DSCAM: variants seen among roughly 807,000 people sequenced by gnomAD.
DSCAM encodes the protein cell adhesion molecule DSCAM.
In DSCAM, 47 loss-of-function variants were observed where a neutral mutation model predicts 217.7. The ratio of observed to expected loss-of-function variants is 0.22; its 90% CI spans 0.17 to 0.28. The LOEUF is 0.28. Among genes scored for constraint, DSCAM ranks in the 10% least tolerant of loss-of-function variants. DSCAM has a pLI of 1.00. For missense variants in DSCAM, 2,080 were observed against 2,618.3 expected, an observed-to-expected ratio of 0.79 and a Z score of 4.49; for synonymous variants, 1,056 against 1,015.3, an observed-to-expected ratio of 1.04 and a Z score of -0.76.
intron 3 of DSCAM, among the ~76,000 whole-genome samples, chr21:40,626,859 T>G (rs1446244971): frequency 6.6e-6 from 1 of 152,226 alleles, no homozygotes. Flanking sequence ...GAAATAAAAC[T>G]TCTCAATGGG....
At chr21:40,714,934 T>C (rs1009580859) in intron 1 of DSCAM, among the ~76,000 whole-genome samples, 2 of 152,234 alleles carry the variant, frequency 1.3e-5, no homozygotes, top group African/African-American at 4.8e-5. Flanking sequence ...CCTTCATGAA[T>C]GGATTATTGT....
intron 3 of DSCAM, among the ~76,000 whole-genome samples, chr21:40,574,206 T>C (rs937589338): frequency 6.6e-6 from 1 of 152,124 alleles, no homozygotes; most frequent in Non-Finnish European, 1.5e-5. Context: ...ATATCCCTTA[T>C]GGTCCAATAC....
chr21:40,842,178 C>A (rs1269861846), intron 1 of DSCAM, among the ~76,000 whole-genome samples: 2 of 152,162 alleles, frequency 1.3e-5, no homozygotes, highest in African/African-American at 4.8e-5. Context: ...CAGGTAGCAC[C>A]ACCTCCCTAT....
At chr21:40,830,490 A>G (rs1043551089) in intron 1 of DSCAM, among the ~76,000 whole-genome samples, 1 of 152,162 alleles carries the variant, frequency 6.6e-6, no homozygotes, top group African/African-American at 2.4e-5. Flanking sequence ...ACCACTCTAA[A>G]TAGTATGTGC....
intron 32 of DSCAM, among the ~76,000 whole-genome samples, chr21:40,018,894 T>C (rs2088212730): frequency 1.3e-5 from 2 of 152,210 alleles, no homozygotes; most frequent in South Asian, 4.1e-4. Flanking sequence ...ATTGATCCAG[T>C]TTTTCAGGCA....
chr21:40,708,774 G>A lies in DSCAM; in HGVS notation c.44-3C>T, dbSNP rs778639987. ...GGAGTGTAGGTCTTCACTGAAAACT[G>A]CAAGAAGACAACACAGGGATCCATA... On this transcript the variant is annotated splice_polypyrimidine_tract_variant and splice_region_variant and intron_variant, in intron 1 of 32. Transcript: ENST00000400454. 1.3e-6 allele frequency: 2 copies of A among 1,535,772 alleles called. No individual in the cohort carries two copies.
intron 3 of DSCAM, among the ~76,000 whole-genome samples, chr21:40,678,632 A>G (rs965156400): frequency 5.3e-5 from 8 of 152,174 alleles, no homozygotes; most frequent in African/African-American, 2.4e-5. Flanking sequence ...GACACCCTGA[A>G]GCTTCTCCAC....
intron 3 of DSCAM, among the ~76,000 whole-genome samples, chr21:40,506,244 C>T (rs994300070): frequency 6.6e-6 from 1 of 152,178 alleles, no homozygotes; most frequent in Non-Finnish European, 1.5e-5. Flanking sequence ...AGTAATGACA[C>T]TCATCCCACC....
chr21:40,718,935 G>A (rs1209151559), intron 1 of DSCAM, among the ~76,000 whole-genome samples: 2 of 150,848 alleles, frequency 1.3e-5, no homozygotes, highest in African/African-American at 4.9e-5. Flanking sequence ...AGATCAGCCT[G>A]GGGAACATAG....
chr21:40,701,110 T>C (rs2090652072), intron 2 of DSCAM, among the ~76,000 whole-genome samples: 1 of 152,236 alleles, frequency 6.6e-6, no homozygotes, highest in African/African-American at 2.4e-5. Context: ...AATTTTACTG[T>C]AGAGAATTTT....
intron 2 of DSCAM, among the ~76,000 whole-genome samples, chr21:40,701,284 C>T (rs1372121965): frequency 2.0e-5 from 3 of 152,096 alleles, no homozygotes; most frequent in Admixed American, 6.5e-5. Flanking sequence ...GATAAAGTGA[C>T]GTTATCTCCC....
At chr21:40,550,067 T>C (rs1266376940) in intron 3 of DSCAM, among the ~76,000 whole-genome samples, 5 of 152,190 alleles carry the variant, frequency 3.3e-5, no homozygotes, top group African/African-American at 4.8e-5. Flanking sequence ...AAAATACTAG[T>C]CCTACCTATA....
intron 18 of DSCAM, among the ~76,000 whole-genome samples, chr21:40,139,238 G>A (rs755585921): frequency 1.8e-4 from 27 of 151,958 alleles, no homozygotes; most frequent in Middle Eastern, 3.4e-3. Flanking sequence ...ATTTTGCGAA[G>A]GTTGAGGACG....
At chr21:40,352,342 T>C (rs1046464078) in intron 5 of DSCAM, among the ~76,000 whole-genome samples, 1 of 152,224 alleles carries the variant, frequency 6.6e-6, no homozygotes, top group Non-Finnish European at 1.5e-5. Context: ...CATTATTTTA[T>C]CCACATGATT....
intron 16 of DSCAM, among the ~76,000 whole-genome samples, chr21:40,152,872 G>A (rs1011764): frequency 0.77 from 117,791 of 152,158 alleles, 48,135 homozygotes; most frequent in Non-Finnish European, 0.9. Flanking sequence ...CATGCCTCCT[G>A]CCCCCTTCCC....
rs2089698378 is a variant in DSCAM at position 40,097,953 on chromosome 21, AAAAAGAAAGAAAG to A, written c.3697-4092_3697-4080del. Among the ~76,000 whole-genome samples, 2 of 93,402 alleles carry A rather than the reference AAAAAGAAAGAAAG, an allele frequency of 2.1e-5. 1 individual carries two copies. Among genetic ancestry groups the A allele is most frequent in the Non-Finnish European group, 4.1e-5 (2 of 48,854 alleles). The allele number at this position is 93,402 out of a possible 152,430, so 61.3% of individuals were successfully genotyped here. ...GAGACTCTGTCTCAAAAAAAAAAAAAAAAAGAAAGAAAGAAAGAAAGAAAGAAAGAAAGAAAGA... is the reference window on the plus strand; with the variant it reads ...GAGACTCTGTCTCAAAAAAAAAAAAAAAAGAAAGAAAGAAAGAAAGAAAGA... On this transcript the variant is annotated intron_variant, in intron 20 of 32. Transcript: ENST00000400454.
chr21:40,812,447 C>T (rs1203470901), intron 1 of DSCAM, among the ~76,000 whole-genome samples: 1 of 152,174 alleles, frequency 6.6e-6, no homozygotes, highest in East Asian at 1.9e-4. Context: ...TGAGCCACAG[C>T]TCTCATCAAG....
intron 1 of DSCAM, among the ~76,000 whole-genome samples, chr21:40,726,280 G>A (rs763651352): frequency 2.0e-5 from 3 of 152,154 alleles, no homozygotes; most frequent in Non-Finnish European, 4.4e-5. Flanking sequence ...AAAACACAAA[G>A]CTGTAATAGA....
intron 1 of DSCAM, among the ~76,000 whole-genome samples, chr21:40,740,370 C>T (rs374605117): frequency 2.6e-4 from 40 of 152,218 alleles, no homozygotes; most frequent in Admixed American, 5.2e-4. Context: ...GACAAACTAA[C>T]GGCAGCCCAG....
Sources: allele counts gnomAD v4.1 joint callset (sites outside exome capture counted in the v4.1 genomes callset), GRCh38; gene constraint gnomAD v4.1.1; transcripts MANE v1.5; gene names NCBI Gene and HGNC (gene_info 2026-07-23, HGNC 2026-07-21).